The following RPS6KC1 variants were observed in gnomAD, a reference collection of about 807,000 sequenced individuals.
The protein encoded by RPS6KC1 is ribosomal protein S6 kinase C1, also known as inactive ribosomal protein S6 kinase delta-1.
In RPS6KC1, 54 loss-of-function variants were observed where a neutral mutation model predicts 103.8. The ratio of observed to expected loss-of-function variants is 0.52; its 90% CI spans 0.42 to 0.65. The LOEUF is 0.65. RPS6KC1 is among the 30% of genes least tolerant of loss of function. RPS6KC1 has a pLI of 0.00. For missense variants in RPS6KC1, 1,151 were observed against 1,253.8 expected (o/e 0.92, Z 1.24); for synonymous variants, 439 against 438.7 (o/e 1.00, Z -0.01).
the RPS6KC1 span, among the ~76,000 whole-genome samples, chr1:213,601,315 A>G: frequency 0.022 from 3,285 of 148,222 alleles, 135 homozygotes; most frequent in African/African-American, 0.076. Flanking sequence ...ATTTACTCCT[A>G]TTATACATTT....
intron 7 of RPS6KC1, among the ~76,000 whole-genome samples, chr1:213,172,785 A>G (rs888347535): frequency 2.6e-5 from 4 of 152,192 alleles, no homozygotes; most frequent in Admixed American, 1.3e-4. Flanking sequence ...TTGGGTCATC[A>G]TGTACTCCTG....
intron 6 of RPS6KC1, among the ~76,000 whole-genome samples, chr1:213,156,056 T>G (rs539984222): frequency 1.3e-5 from 2 of 152,346 alleles, no homozygotes; most frequent in African/African-American, 4.8e-5. Context: ...TTAATCAATC[T>G]AATCCTACCA....
chr1:213,057,010 G>A (rs1456222902), intron 1 of RPS6KC1, among the ~76,000 whole-genome samples: 2 of 152,034 alleles, frequency 1.3e-5, no homozygotes, highest in Non-Finnish European at 2.9e-5. Context: ...AACGATCACG[G>A]CTCACTCTAG....
chr1:213,413,501 G>C, the RPS6KC1 span, among the ~76,000 whole-genome samples: 7 of 152,182 alleles, frequency 4.6e-5, no homozygotes, highest in African/African-American at 1.7e-4. Flanking sequence ...GTCTTATGAA[G>C]GCTGTGCTAG....
chr1:213,835,167 G>A, the RPS6KC1 span, among the ~76,000 whole-genome samples: 2 of 152,184 alleles, frequency 1.3e-5, no homozygotes, highest in Non-Finnish European at 1.5e-5. Context: ...TCTGGAGCAG[G>A]AGTGTCCTAG....
At chr1:213,500,303 A>G in the RPS6KC1 span, among the ~76,000 whole-genome samples, 3 of 152,136 alleles carry the variant, frequency 2.0e-5, no homozygotes, top group Non-Finnish European at 4.4e-5. Flanking sequence ...CAATATCACC[A>G]TCTTCATTTT....
intron 1 of RPS6KC1, among the ~76,000 whole-genome samples, chr1:213,058,047 C>T (rs2077494656): frequency 6.9e-6 from 1 of 145,692 alleles, no homozygotes; most frequent in African/African-American, 2.6e-5. Context: ...GGATTACAGA[C>T]GTGCGCCTGA....
At chr1:213,195,955 C>T (rs990997525) in intron 8 of RPS6KC1, among the ~76,000 whole-genome samples, 2 of 151,968 alleles carry the variant, frequency 1.3e-5, no homozygotes, top group Non-Finnish European at 1.5e-5. Context: ...GTGCAAGTGT[C>T]GTTTTCATAT....
the RPS6KC1 span, among the ~76,000 whole-genome samples, chr1:213,332,063 T>C: frequency 6.6e-6 from 1 of 151,694 alleles, no homozygotes; most frequent in Non-Finnish European, 1.5e-5. Flanking sequence ...GGAAAAATCC[T>C]ATATTGGAAA....
At chr1:213,324,593 CTTTTTTTT>C in the RPS6KC1 span, among the ~76,000 whole-genome samples, 4 of 81,824 alleles carry the variant, frequency 4.9e-5, no homozygotes, top group African/African-American at 8.1e-5. Context: ...GCTCGATATG[CTTTTTTTT>C]TTTTTTTTTT....
the RPS6KC1 span, among the ~76,000 whole-genome samples, chr1:213,571,953 G>C: frequency 4.6e-5 from 7 of 152,192 alleles, no homozygotes; most frequent in Non-Finnish European, 7.3e-5. Context: ...GCTGGGCCTT[G>C]AACCACTCTT....
the RPS6KC1 span, among the ~76,000 whole-genome samples, chr1:213,707,435 T>A: frequency 1.8e-3 from 270 of 152,282 alleles, 1 homozygote; most frequent in African/African-American, 6.3e-3. Context: ...TCCTTGTAGA[T>A]TCTAGATATT....
chr1:213,450,332 G>A, the RPS6KC1 span, among the ~76,000 whole-genome samples: 124 of 148,122 alleles, frequency 8.4e-4, no homozygotes, highest in South Asian at 4.9e-3. Context: ...TGAGTTTGTA[G>A]ATTTTTTTTT....
At chr1:213,782,721 A>C in the RPS6KC1 span, among the ~76,000 whole-genome samples, 1 of 152,118 alleles carries the variant, frequency 6.6e-6, no homozygotes, top group Non-Finnish European at 1.5e-5. Context: ...ACATGCACAA[A>C]AGCAACGAGG....
the RPS6KC1 span, among the ~76,000 whole-genome samples, chr1:213,405,456 A>G: frequency 1.3e-5 from 2 of 152,160 alleles, no homozygotes; most frequent in Non-Finnish European, 2.9e-5. Context: ...AAAAAAATTC[A>G]CCAGCATCTC....
chr1:213,080,141 C>T lies in RPS6KC1; in HGVS notation c.262+2325C>T, dbSNP rs959274669. Among the ~76,000 whole-genome samples, 4 of 152,020 alleles carry T rather than the reference C, an allele frequency of 2.6e-5. No individual in the cohort carries two copies. The East Asian group carries it at 5.8e-4, about 22-fold the overall frequency. On this transcript the variant is annotated intron_variant, in intron 3 of 14. Coordinates refer to ENST00000366960, the MANE Select transcript of RPS6KC1 (RefSeq NM_012424.6). ...CCATGTTGGACAGGCTGGTCTTGAA[C>T]TCCTGACCTCAGGTGATCTGGCCTC...
the RPS6KC1 span, among the ~76,000 whole-genome samples, chr1:213,760,749 T>C: frequency 1.3e-5 from 2 of 152,000 alleles, no homozygotes; most frequent in African/African-American, 4.8e-5. Flanking sequence ...TAGCCAGATC[T>C]TGTAGATCTA....
chr1:213,597,475 C>T, the RPS6KC1 span, among the ~76,000 whole-genome samples: 21 of 152,168 alleles, frequency 1.4e-4, no homozygotes, highest in Non-Finnish European at 1.5e-4. Flanking sequence ...CAGAGTGTAG[C>T]CAGGCAAGAG....
the RPS6KC1 span, among the ~76,000 whole-genome samples, chr1:213,381,758 C>G: frequency 6.6e-6 from 1 of 152,110 alleles, no homozygotes; most frequent in Non-Finnish European, 1.5e-5. Context: ...TGCTGCTGGC[C>G]GCCTTTATAG....
Sources: gnomAD v4.1 joint callset for allele counts (sites outside exome capture counted in the v4.1 genomes callset) on GRCh38, gnomAD v4.1.1 for gene constraint, MANE v1.5 for transcripts, NCBI Gene and HGNC (gene_info 2026-07-23, HGNC 2026-07-21) for gene names.